The following GLIS3 variants were observed in gnomAD, a reference collection of about 807,000 sequenced individuals.
GLIS3 encodes the protein zinc finger protein GLIS3.
Under a neutral mutation model 78.6 loss-of-function variants are expected in GLIS3, and 53 were observed. The observed-to-expected ratio is 0.67, with a 90% CI of 0.54 to 0.85. The LOEUF is 0.85. Ranked by LOEUF, GLIS3 falls within the 40% of genes least tolerant of loss-of-function variation. GLIS3 has a pLI of 0.00. For missense variants in GLIS3, 1,703 were observed against 1,231.1 expected, an observed-to-expected ratio of 1.38 and a Z score of -5.74; for synonymous variants, 684 against 509.9, an observed-to-expected ratio of 1.34 and a Z score of -4.60.
the GLIS3 span, among the ~76,000 whole-genome samples, chr9:4,483,101 A>G: frequency 6.6e-6 from 1 of 152,220 alleles, no homozygotes; most frequent in Non-Finnish European, 1.5e-5. Flanking sequence ...ATTTGTGTCC[A>G]TGACTATTAG....
rs757132007 is a variant in GLIS3 at position 3,828,285 on chromosome 9, T to G, written c.2780A>C (p.Tyr927Ser). 1 of 1,614,062 alleles carries G rather than the reference T, an allele frequency of 6.2e-7. No individual in the cohort carries two copies. Among genetic ancestry groups the G allele is most frequent in the Admixed American group, 1.7e-5 (1 of 60,026 alleles). ...DRCPSQLSSV[Y>S]TEG Reference sequence around the variant, plus strand: ...CCAAGAGAGCTTTTAGCCTTCGGTGTAGACAGAGGAGAGCTGGCTAGGACA... The same window carrying G: ...CCAAGAGAGCTTTTAGCCTTCGGTGGAGACAGAGGAGAGCTGGCTAGGACA... Residue 927 changes from tyrosine (Y) to serine (S), a missense_variant, in exon 11 of 11, where the codon TAC (tyrosine) becomes TCC (serine). By Grantham distance (144) the Tyr-to-Ser change is moderately radical. Coordinates refer to ENST00000381971, the MANE Select transcript of GLIS3 (RefSeq NM_001042413.2).
intron 2 of GLIS3, among the ~76,000 whole-genome samples, chr9:4,128,978 C>T (rs1261467777): frequency 6.6e-6 from 1 of 152,132 alleles, no homozygotes; most frequent in Non-Finnish European, 1.5e-5. Flanking sequence ...CAAATGGTAT[C>T]CTTGAAGCAT....
At chr9:3,844,753 C>T (rs1818932928) in intron 9 of GLIS3, among the ~76,000 whole-genome samples, 1 of 152,126 alleles carries the variant, frequency 6.6e-6, no homozygotes, top group African/African-American at 2.4e-5. Flanking sequence ...GGTCCTAGCT[C>T]TTGTTATTTA....
intron 4 of GLIS3, among the ~76,000 whole-genome samples, chr9:4,080,828 G>C (rs1433987653): frequency 6.6e-6 from 1 of 152,176 alleles, no homozygotes; most frequent in African/African-American, 2.4e-5. Flanking sequence ...CTCTTCAGTG[G>C]CAATACCTGC....
chr9:4,051,969 T>C (rs1825778473), intron 4 of GLIS3, among the ~76,000 whole-genome samples: 1 of 152,222 alleles, frequency 6.6e-6, no homozygotes, highest in Admixed American at 6.5e-5. Flanking sequence ...ATCTGTCTCA[T>C]TGCTCATTTG....
chr9:3,841,232 T>A (rs1391045930), intron 9 of GLIS3, among the ~76,000 whole-genome samples: 1 of 152,242 alleles, frequency 6.6e-6, no homozygotes, highest in Admixed American at 6.5e-5. Context: ...AATTGCAGTG[T>A]GTCTCAGTAA....
chr9:4,455,426 AAGTT>A, the GLIS3 span, among the ~76,000 whole-genome samples: 3 of 152,260 alleles, frequency 2.0e-5, no homozygotes, highest in Admixed American at 2.0e-4. Context: ...GGGCAAGAAA[AAGTT>A]AGGCATCTTG....
chr9:4,404,674 A>G, the GLIS3 span, among the ~76,000 whole-genome samples: 8 of 152,200 alleles, frequency 5.3e-5, no homozygotes, highest in African/African-American at 1.7e-4. Flanking sequence ...GAAACAAATG[A>G]TAACGGAAAC....
intron 2 of GLIS3, among the ~76,000 whole-genome samples, chr9:4,183,404 G>A (rs1331518163): frequency 1.3e-5 from 2 of 152,134 alleles, no homozygotes; most frequent in East Asian, 1.9e-4. Context: ...TAGATATTCT[G>A]AGCAAAGACT....
At chr9:4,124,847 T>C (rs1372381548) in intron 3 of GLIS3, among the ~76,000 whole-genome samples, 3 of 152,182 alleles carry the variant, frequency 2.0e-5, no homozygotes, top group East Asian at 1.9e-4. Flanking sequence ...TGCAAGACCA[T>C]AGTTATGGCA....
chr9:4,424,451 G>A, the GLIS3 span, among the ~76,000 whole-genome samples: 1 of 152,178 alleles, frequency 6.6e-6, no homozygotes, highest in East Asian at 1.9e-4. Flanking sequence ...TTCCTAACAG[G>A]AGTATGACCC....
chr9:4,094,478 G>C (rs1588658658), intron 4 of GLIS3, among the ~76,000 whole-genome samples: 1 of 152,176 alleles, frequency 6.6e-6, no homozygotes, highest in South Asian at 2.1e-4. Flanking sequence ...AAAGGTCAAA[G>C]TGGGATAATA....
intron 2 of GLIS3, among the ~76,000 whole-genome samples, chr9:4,316,668 C>T (rs1490529998): frequency 1.3e-5 from 2 of 152,114 alleles, no homozygotes; most frequent in Non-Finnish European, 2.9e-5. Context: ...TGTGAGTGTG[C>T]CCTGAGATGG....
intron 2 of GLIS3, among the ~76,000 whole-genome samples, chr9:4,180,789 T>C (rs554102190): frequency 4.5e-4 from 69 of 152,282 alleles, no homozygotes; most frequent in African/African-American, 1.7e-3. Flanking sequence ...CATCCCAAAC[T>C]GAGGAGCGGC....
At chr9:4,119,783 A>C (rs762870726) in intron 3 of GLIS3, among the ~76,000 whole-genome samples, 15 of 152,262 alleles carry the variant, frequency 9.9e-5, no homozygotes, top group Non-Finnish European at 2.1e-4. Flanking sequence ...TATTATCTGC[A>C]TATCAAAATG....
At chr9:4,251,777 G>C (rs1033893805) in intron 2 of GLIS3, among the ~76,000 whole-genome samples, 2 of 152,116 alleles carry the variant, frequency 1.3e-5, no homozygotes, top group Non-Finnish European at 2.9e-5. Flanking sequence ...GCTTCCTTCA[G>C]GAGCTTTTGT....
chr9:3,916,015 C>T (rs1054488243), intron 6 of GLIS3, among the ~76,000 whole-genome samples: 1 of 152,048 alleles, frequency 6.6e-6, no homozygotes, highest in Admixed American at 6.6e-5. Flanking sequence ...CAGAAATTAA[C>T]AAGTAGAACA....
At chr9:4,460,352 A>G in the GLIS3 span, among the ~76,000 whole-genome samples, 1 of 152,258 alleles carries the variant, frequency 6.6e-6, no homozygotes, top group African/African-American at 2.4e-5. Flanking sequence ...TCAAAATCAG[A>G]TTGAACAAGA....
chr9:4,399,568 C>T, the GLIS3 span, among the ~76,000 whole-genome samples: 1 of 152,242 alleles, frequency 6.6e-6, no homozygotes, highest in Non-Finnish European at 1.5e-5. Context: ...TCTTTTACAA[C>T]CATAATGCCA....
Sources: allele counts gnomAD v4.1 joint callset (sites outside exome capture counted in the v4.1 genomes callset), GRCh38; gene constraint gnomAD v4.1.1; transcripts MANE v1.5; gene names NCBI Gene and HGNC (gene_info 2026-07-23, HGNC 2026-07-21).